SFTA2: variants seen among roughly 807,000 people sequenced by gnomAD.
The protein encoded by SFTA2 is surfactant-associated protein 2.
A neutral mutation model predicts 6.0 loss-of-function variants in SFTA2; 3 were observed. The observed-to-expected ratio is 0.50, with a 90% confidence interval of 0.23 to 1.28. SFTA2 has a LOEUF of 1.28. Among genes scored for constraint, SFTA2 ranks in the 50% most tolerant of loss-of-function variants. The probability of loss-of-function intolerance (pLI) is 0.19; values close to 1 mark genes in which losing one functional copy is unlikely to be tolerated. For synonymous variants in SFTA2, 40 were observed against 39.3 expected (o/e 1.02, Z -0.07); for missense variants, 87 against 88.5 (o/e 0.98, Z 0.07).
rs3095153 is a variant in SFTA2 at position 30,931,418 on chromosome 6, G to C, written c.*70C>G. ...AGGGTGGGGGCCTGCTGAAAGACAG[G>C]GTCGGGGCCTGCCTCCTGCATCCCC... is the stretch of plus-strand genomic sequence containing the variant. On this transcript the variant is annotated 3_prime_UTR_variant, in exon 3 of 3. Transcript: ENST00000359086. 1 of 1,437,828 alleles carries C rather than the reference G, an allele frequency of 7.0e-7. No homozygotes were observed. The highest frequency in any genetic ancestry group is 9.3e-7 in the Non-Finnish European group (1 of 1,069,736). The allele number at this position is 1,437,828 out of a possible 1,614,324, so 89.1% of individuals were successfully genotyped here. A position where few individuals can be genotyped will look rare whatever the true frequency, so the allele number is the denominator to read the frequency against.
chr6:30,931,534 G>T lies in SFTA2; in HGVS notation c.191C>A (p.Thr64Asn). The change falls in exon 3 of 3, where the codon ACC (threonine) becomes AAC (asparagine). Residue 64 changes from threonine (T) to asparagine (N), a missense_variant. Thr to Asn is a moderately conservative substitution (Grantham distance 65). Transcript: ENST00000359086. ...GTGTTGAGATCTTGCATGGTGGAGG[G>T]TGACGCTGGTCCCTGAAGGGAGATG... ...LLHLPSGTSV[T>N]LHHARSQHHV... 1 of 1,609,566 alleles carries T rather than the reference G, an allele frequency of 6.2e-7. No homozygotes were observed. The highest frequency in any genetic ancestry group is 8.5e-7 in the Non-Finnish European group (1 of 1,178,064).
At chr6:30,931,847 C>CGGAG in intron 1 of SFTA2, 52 bp from the exon 2 acceptor site, 1 of 1,597,866 alleles carries the variant, frequency 6.3e-7, no homozygotes, top group Non-Finnish European at 8.6e-7. Context: ...CTGATTCCTC[C>CGGAG]GGAGACACAG....
In SFTA2 at chr6:30,931,532, G is replaced by T. The variant is rs753142239; in HGVS notation, c.193C>A (p.Leu65Ile). The change falls in exon 3 of 3, where the codon CTC becomes ATC. Residue 65 changes from leucine (L) to isoleucine (I), a missense_variant. Coordinates refer to ENST00000359086, the MANE Select transcript of SFTA2 (RefSeq NM_205854.3). ...TGGTGTTGAGATCTTGCATGGTGGAGGGTGACGCTGGTCCCTGAAGGGAGA... is the reference window on the plus strand; with the variant it reads ...TGGTGTTGAGATCTTGCATGGTGGATGGTGACGCTGGTCCCTGAAGGGAGA... ...LHLPSGTSVTLHHARSQHHVV... is the reference protein window; with the variant it reads ...LHLPSGTSVTIHHARSQHHVV... 3 of 1,609,180 alleles carry T rather than the reference G, an allele frequency of 1.9e-6. No homozygotes were observed. In the African/African-American group the frequency reaches 4.0e-5, roughly 22 times the overall value.
At chr6:30,931,919 T>A in intron 1 of SFTA2, 117 bp downstream of exon 1, 1 of 1,535,170 alleles carries the variant, frequency 6.5e-7, no homozygotes, top group South Asian at 1.1e-5. Context: ...CTCCAGAGCC[T>A]CTTGGAAGCT....
intron 1 of SFTA2, 64 bp from the exon 2 acceptor site, chr6:30,931,859 A>G (rs1421423608): frequency 6.3e-7 from 1 of 1,585,072 alleles, no homozygotes; most frequent in Non-Finnish European, 8.7e-7. Flanking sequence ...GAGACACAGA[A>G]CCTTCCTGCT....
chr6:30,932,140 G>T lies in SFTA2; in HGVS notation c.-44C>A. The stretch of plus-strand genomic sequence containing the variant: ...GGGATGGAGGAGACACTGAAGTCCC[G>T]GTGGCCTCTCCTTAACAGGCCTGTT... On this transcript the variant is annotated 5_prime_UTR_variant, in exon 1 of 3. Transcript: ENST00000359086. This position sits in a 1 kb window ranked among gnomAD's most constrained non-coding sequence, Gnocchi z 6.5. The T allele has an allele frequency of 6.3e-7, 1 of 1,594,544 alleles. No individual in the cohort carries two copies. Among genetic ancestry groups the T allele is most frequent in the Non-Finnish European group, 8.6e-7 (1 of 1,169,528 alleles).
chr6:30,931,959 G>A, intron 1 of SFTA2, 77 bp downstream of exon 1: 1 of 1,571,278 alleles, frequency 6.4e-7, no homozygotes. Context: ...TCACTCTCAG[G>A]GACCATGAAG....
intron 2 of SFTA2, 35 bp from the exon 3 acceptor site, chr6:30,931,609 G>C (rs759012560): frequency 6.2e-7 from 1 of 1,607,338 alleles, no homozygotes. Flanking sequence ...CCATGTAAGA[G>C]AGCTCTCCAT....
In SFTA2 at chr6:30,931,366, A is replaced by G. The variant is rs1305657901; in HGVS notation, c.*122T>C. 8 of 923,566 alleles carry G rather than the reference A, an allele frequency of 8.7e-6. No individual in the cohort carries two copies. The East Asian group carries it at 2.1e-4, about 24-fold the overall frequency. 57.2% of individuals were successfully genotyped at this position (923,566 alleles called of 1,614,324 possible). A position where few individuals can be genotyped will look rare whatever the true frequency, so the allele number is the denominator to read the frequency against. ...TCAAGCAAGTTATTGAATTCAGCAT[A>G]CCGAATTTTATTTATTGCCGCTCAG... On this transcript the variant is annotated 3_prime_UTR_variant, in exon 3 of 3. Coordinates refer to ENST00000359086, the MANE Select transcript of SFTA2 (RefSeq NM_205854.3).
chr6:30,932,161 C>T lies in SFTA2; in HGVS notation c.-65G>A, dbSNP rs181373899. The T allele has an allele frequency of 7.1e-5, 107 of 1,515,252 alleles. No individual in the cohort carries two copies. Among genetic ancestry groups the T allele is most frequent in the Non-Finnish European group, 1.8e-5 (20 of 1,106,182 alleles). The allele number at this position is 1,515,252 out of a possible 1,614,324, so 93.9% of individuals were successfully genotyped here. On this transcript the variant is annotated 5_prime_UTR_variant, in exon 1 of 3. Transcript: ENST00000359086. This position sits in a 1 kb window ranked among gnomAD's most constrained non-coding sequence, Gnocchi z 6.5. ...TCCCGGTGGCCTCTCCTTAACAGGCCTGTTTCTACACCCCACTCAAGCCTT... is the reference window on the plus strand; with the variant it reads ...TCCCGGTGGCCTCTCCTTAACAGGCTTGTTTCTACACCCCACTCAAGCCTT...
Position 30,931,476 on chromosome 6 carries a change from C to T in SFTA2, c.*12G>A, listed in dbSNP as rs747529500. ...AAGCCCGGGCCAAGAAGGACACAGG[C>T]TTCAATGGCTGTCATGTGTTGCAGA... On this transcript the variant is annotated 3_prime_UTR_variant, in exon 3 of 3. Coordinates refer to ENST00000359086, the MANE Select transcript of SFTA2 (RefSeq NM_205854.3). The T allele has an allele frequency of 3.5e-5, 55 of 1,559,040 alleles. No homozygotes were observed. Among genetic ancestry groups the T allele is most frequent in the African/African-American group, 5.4e-5 (4 of 73,430 alleles).
At chr6:30,931,962 C>T in intron 1 of SFTA2, 74 bp downstream of exon 1, 1 of 1,574,384 alleles carries the variant, frequency 6.4e-7, no homozygotes. Flanking sequence ...CTCTCAGGGA[C>T]CATGAAGTCC....
In SFTA2 at chr6:30,931,453, G is replaced by C. The variant is rs1286511300; in HGVS notation, c.*35C>G. The C allele has an allele frequency of 6.6e-7, 1 of 1,526,418 alleles. No homozygotes were observed. The highest frequency in any genetic ancestry group is 2.3e-5 in the East Asian group (1 of 44,022). 94.6% of individuals were successfully genotyped at this position (1,526,418 alleles called of 1,614,324 possible). A position where few individuals can be genotyped will look rare whatever the true frequency, so the allele number is the denominator to read the frequency against. On this transcript the variant is annotated 3_prime_UTR_variant, in exon 3 of 3. Transcript: ENST00000359086. ...TGCCTCCTGCATCCCCGGCCCAAAA[G>C]CCCGGGCCAAGAAGGACACAGGCTT... is the stretch of plus-strand genomic sequence containing the variant.
chr6:30,931,876 C>T, intron 1 of SFTA2, 81 bp from the exon 2 acceptor site: 8 of 1,561,228 alleles, frequency 5.1e-6, no homozygotes, highest in Non-Finnish European at 7.0e-6. Context: ...TGCTCACGCT[C>T]CCCGGCACAG....
chr6:30,931,511 G>A lies in SFTA2; in HGVS notation c.214C>T (p.His72Tyr). 1 of 1,603,980 alleles carries A rather than the reference G, an allele frequency of 6.2e-7. No homozygotes were observed. The highest frequency in any genetic ancestry group is 8.5e-7 in the Non-Finnish European group (1 of 1,175,308). ...SVTLHHARSQ[H>Y]HVVCNT The stretch of plus-strand genomic sequence containing the variant: ...TGTCATGTGTTGCAGACAACATGGT[G>A]TTGAGATCTTGCATGGTGGAGGGTG... The change falls in exon 3 of 3, where the codon CAC becomes TAC. Residue 72 changes from histidine (H) to tyrosine (Y), a missense_variant. Physicochemically the swap from His to Tyr is moderately conservative, Grantham distance 83 (BLOSUM62 2). Coordinates refer to ENST00000359086, the MANE Select transcript of SFTA2 (RefSeq NM_205854.3).
chr6:30,931,700 G>T lies in SFTA2; in HGVS notation c.150+7C>A, dbSNP rs755165869. 12 of 1,613,042 alleles carry T rather than the reference G, an allele frequency of 7.4e-6. No homozygotes were observed. Among genetic ancestry groups the T allele is most frequent in the Non-Finnish European group, 1.0e-5 (12 of 1,179,930 alleles). ...ACAGCCCCATCTTTCCCCTTCCAAA[G>T]AACTACCTTTTCAAGCAATTCCAGG... is the stretch of plus-strand genomic sequence containing the variant. On this transcript the variant is annotated splice_region_variant and intron_variant, in intron 2 of 2. Transcript: ENST00000359086.
rs757770859 is a variant in SFTA2, at chr6:30,931,552, G to A, written c.173C>T (p.Pro58Leu). 2 of 1,610,250 alleles carry A rather than the reference G, an allele frequency of 1.2e-6. No homozygotes were observed. The highest frequency in any genetic ancestry group is 1.7e-6 in the Non-Finnish European group (2 of 1,178,456). ...LEKLCLLLHL[P>L]SGTSVTLHHA... is the part of the protein sequence containing the mutation. ...GTGGAGGGTGACGCTGGTCCCTGAA[G>A]GGAGATGGAGGAGGAGGCAGAGCTG... is the stretch of plus-strand genomic sequence containing the variant. Residue 58 changes from proline (P) to leucine (L), a missense_variant, in exon 3 of 3, where the codon CCT becomes CTT. Coordinates refer to ENST00000359086, the MANE Select transcript of SFTA2 (RefSeq NM_205854.3).
chr6:30,931,933 G>A (rs1442860367), intron 1 of SFTA2, 103 bp downstream of exon 1: 3 of 1,543,570 alleles, frequency 1.9e-6, no homozygotes, highest in Non-Finnish European at 2.7e-6. Flanking sequence ...GGAAGCTCAG[G>A]ACTGGGGTGT....
intron 1 of SFTA2, 110 bp from the exon 2 acceptor site, chr6:30,931,905 G>T: frequency 6.5e-7 from 1 of 1,530,548 alleles, no homozygotes; most frequent in Non-Finnish European, 9.0e-7. Flanking sequence ...CCCCAGCAAT[G>T]CCCCTCCAGA....
Sources: allele counts gnomAD v4.1 joint callset, GRCh38; gene constraint gnomAD v4.1.1; non-coding constraint Gnocchi (gnomAD v3.1); transcripts MANE v1.5; gene names NCBI Gene and HGNC (gene_info 2026-07-23, HGNC 2026-07-21).